Variants in MAGI2 observed in about 807,000 individuals in gnomAD.
MAGI2 encodes membrane associated guanylate kinase, WW and PDZ domain containing 2, also known as membrane-associated guanylate kinase, WW and PDZ domain-containing protein 2.
In MAGI2, 35 loss-of-function variants were observed where a neutral mutation model predicts 133.3. The observed-to-expected ratio is 0.26, with a 90% confidence interval of 0.20 to 0.35. The LOEUF is 0.35. Among genes scored for constraint, MAGI2 ranks in the 10% least tolerant of loss-of-function variants. The pLI, the probability that MAGI2 is intolerant of heterozygous loss-of-function variation, is 1.00. For missense variants in MAGI2, 1,636 were observed against 1,863.4 expected (o/e 0.88, Z 2.25); for synonymous variants, 729 against 710.6 (o/e 1.03, Z -0.41).
chr7:78,915,942 G>A (rs1050345230), intron 2 of MAGI2, among the ~76,000 whole-genome samples: 1 of 151,938 alleles, frequency 6.6e-6, no homozygotes, highest in Non-Finnish European at 1.5e-5. Flanking sequence ...GTGGATATCT[G>A]GGGAAGGAGC....
chr7:78,232,452 T>C (rs1292014703), intron 10 of MAGI2, among the ~76,000 whole-genome samples: 1 of 152,204 alleles, frequency 6.6e-6, no homozygotes, highest in East Asian at 1.9e-4. Context: ...GGAAACAAAT[T>C]GTCCGCTCAA....
chr7:78,024,727 C>T (rs1445562704), intron 21 of MAGI2, among the ~76,000 whole-genome samples: 1 of 152,204 alleles, frequency 6.6e-6, no homozygotes, highest in Non-Finnish European at 1.5e-5. Flanking sequence ...TTCATAAACC[C>T]TTGGGGATAC....
chr7:79,207,981 C>T (rs1299376280), intron 1 of MAGI2, among the ~76,000 whole-genome samples: 1 of 151,952 alleles, frequency 6.6e-6, no homozygotes, highest in East Asian at 1.9e-4. Flanking sequence ...ACTGGATAGC[C>T]ACCTGCAGAA....
chr7:78,097,321 T>G (rs1042732201), intron 20 of MAGI2, among the ~76,000 whole-genome samples: 2 of 152,116 alleles, frequency 1.3e-5, no homozygotes, highest in African/African-American at 4.8e-5. Context: ...GGGTATGTAC[T>G]CAGAGGAATA....
chr7:79,296,053 C>T (rs1836903717), intron 1 of MAGI2, among the ~76,000 whole-genome samples: 1 of 152,086 alleles, frequency 6.6e-6, no homozygotes, highest in South Asian at 2.1e-4. Context: ...CCTAATTGTG[C>T]ATTAACTCAG....
chr7:78,891,309 G>C (rs1187896760), intron 2 of MAGI2, among the ~76,000 whole-genome samples: 1 of 152,176 alleles, frequency 6.6e-6, no homozygotes, highest in Non-Finnish European at 1.5e-5. Flanking sequence ...ACAAGGAGGA[G>C]CTGGTACCAT....
At chr7:78,918,509 T>C (rs1211229925) in intron 2 of MAGI2, among the ~76,000 whole-genome samples, 4 of 152,144 alleles carry the variant, frequency 2.6e-5, no homozygotes, top group Admixed American at 2.6e-4. Context: ...ATTGTGCCCA[T>C]AGTAGGTGCT....
intron 20 of MAGI2, among the ~76,000 whole-genome samples, chr7:78,085,548 T>TCC (rs1554441601): frequency 2.9e-5 from 2 of 69,170 alleles, no homozygotes; most frequent in African/African-American, 5.5e-5. Context: ...ATAATAAAAC[T>TCC]CCCACACACA....
chr7:79,003,446 A>G (rs1327480076), intron 2 of MAGI2, among the ~76,000 whole-genome samples: 2 of 152,198 alleles, frequency 1.3e-5, no homozygotes, highest in South Asian at 2.1e-4. Context: ...CCTGATGCCA[A>G]TGCTAGATTA....
At position 78,886,004 on chromosome 7, in the gene MAGI2, C is replaced by T. The variant is rs143949387; in HGVS notation, c.418+121086G>A. Among the ~76,000 whole-genome samples, 367 of 152,272 alleles carry T rather than the reference C, an allele frequency of 2.4e-3. 4 individuals are homozygous for T. Among genetic ancestry groups the T allele is most frequent in the Middle Eastern group, 0.01 (3 of 294 alleles). Reference sequence around the variant, plus strand: ...AACAAACCAATCTACTGCTGTAAGACAGCAAAAATACAATTGCCTAAAATC... The same window carrying T: ...AACAAACCAATCTACTGCTGTAAGATAGCAAAAATACAATTGCCTAAAATC... On this transcript the variant is annotated intron_variant, in intron 2 of 21. Coordinates refer to ENST00000354212, the MANE Select transcript of MAGI2 (RefSeq NM_012301.4).
At chr7:79,433,396 A>G (rs749604853) in intron 1 of MAGI2, among the ~76,000 whole-genome samples, 30 of 152,068 alleles carry the variant, frequency 2.0e-4, no homozygotes, top group Middle Eastern at 3.2e-3. Flanking sequence ...ACTAAAAAAT[A>G]CAAAAAATTA....
At chr7:78,993,897 A>T (rs981580098) in intron 2 of MAGI2, among the ~76,000 whole-genome samples, 12 of 152,108 alleles carry the variant, frequency 7.9e-5, no homozygotes, top group African/African-American at 2.7e-4. Context: ...TGCACGCTCA[A>T]TGAATGGCTC....
intron 2 of MAGI2, among the ~76,000 whole-genome samples, chr7:78,723,224 C>G (rs894905406): frequency 1.3e-5 from 2 of 152,096 alleles, no homozygotes; most frequent in African/African-American, 2.4e-5. Context: ...TTTCTTTGGT[C>G]AATATATATG....
At chr7:78,588,738 TTGCC>T (rs1803679310) in intron 3 of MAGI2, among the ~76,000 whole-genome samples, 1 of 152,158 alleles carries the variant, frequency 6.6e-6, no homozygotes, top group Non-Finnish European at 1.5e-5. Context: ...CAGGGAGAAT[TTGCC>T]ATAATAAAGC....
At chr7:79,232,463 T>C (rs1182191704) in intron 1 of MAGI2, among the ~76,000 whole-genome samples, 1 of 146,788 alleles carries the variant, frequency 6.8e-6, no homozygotes, top group Non-Finnish European at 1.5e-5. Flanking sequence ...TATTGCCACA[T>C]TTTCAGCTCC....
intron 1 of MAGI2, among the ~76,000 whole-genome samples, chr7:79,170,998 A>G (rs1186827610): frequency 6.6e-6 from 1 of 152,102 alleles, no homozygotes; most frequent in Non-Finnish European, 1.5e-5. Context: ...ATCATAAACT[A>G]TCATAATGTT....
At chr7:78,460,527 C>A (rs1789858723) in intron 6 of MAGI2, among the ~76,000 whole-genome samples, 1 of 152,116 alleles carries the variant, frequency 6.6e-6, no homozygotes, top group African/African-American at 2.4e-5. Context: ...GGCAGATGCA[C>A]CTGCCAGCAA....
intron 2 of MAGI2, among the ~76,000 whole-genome samples, chr7:78,709,277 C>A (rs75830450): frequency 0.069 from 10,488 of 151,368 alleles, 397 homozygotes; most frequent in Admixed American, 0.11. Context: ...CTGCAACATA[C>A]ACACCCCCAC....
intron 2 of MAGI2, among the ~76,000 whole-genome samples, chr7:78,872,552 A>G (rs183532999): frequency 1.2e-3 from 188 of 152,116 alleles, no homozygotes; most frequent in African/African-American, 4.5e-3. Context: ...AATAATACTG[A>G]ATAGTAAAAT....
Sources: allele counts gnomAD v4.1 joint callset (sites outside exome capture counted in the v4.1 genomes callset), GRCh38; gene constraint gnomAD v4.1.1; transcripts MANE v1.5; gene names NCBI Gene and HGNC (gene_info 2026-07-23, HGNC 2026-07-21).